Variants in PODXL2 observed in about 807,000 individuals in gnomAD.
The protein encoded by PODXL2 is podocalyxin-like protein 2.
Under a neutral mutation model 53.4 loss-of-function variants are expected in PODXL2, and 17 were observed. The ratio of observed to expected loss-of-function variants is 0.32; its 90% CI spans 0.22 to 0.48. The LOEUF (loss-of-function observed/expected upper bound fraction) is 0.48, where lower values mean the gene tolerates loss of function less well. PODXL2 is among the 20% of genes least tolerant of loss of function. The pLI, the probability that PODXL2 is intolerant of heterozygous loss-of-function variation, is 0.99. For missense variants in PODXL2, 673 were observed against 760.0 expected (o/e 0.89, Z 1.35); for synonymous variants, 311 against 306.7 (o/e 1.01, Z -0.15).
At chr3:127,647,901 AAG>A (rs1382722764) in intron 2 of PODXL2, among the ~76,000 whole-genome samples, 1 of 152,178 alleles carries the variant, frequency 6.6e-6, no homozygotes, top group Admixed American at 6.5e-5. Flanking sequence ...CCAGACCAAA[AAG>A]AGAGGAGGAA....
At chr3:127,667,074 G>A (rs2074798418) in intron 4 of PODXL2, among the ~76,000 whole-genome samples, 1 of 152,194 alleles carries the variant, frequency 6.6e-6, no homozygotes, top group Admixed American at 6.5e-5. Context: ...CAGAACTAGG[G>A]GTTTCCATCT....
chr3:127,648,787 C>CTTTTTTTTTTTTTTT (rs988325770), intron 2 of PODXL2, among the ~76,000 whole-genome samples: 3 of 97,854 alleles, frequency 3.1e-5, no homozygotes, highest in Admixed American at 1.1e-4. Flanking sequence ...TTTTGTATTT[C>CTTTTTTTTTTTTTTT]TTTTTTTTTT....
Position 127,668,612 on chromosome 3 carries a change from G to T in PODXL2, c.1363+15G>T, listed in dbSNP as rs779542730. On this transcript the variant is annotated intron_variant, in intron 5 of 7. Coordinates refer to ENST00000342480, the MANE Select transcript of PODXL2 (RefSeq NM_015720.4). ...GGGCGAGCAGGGTGAGCGAGGGCAG[G>T]TGATGGGAGGGCCCAGGAGGGCAGT... is the stretch of plus-strand genomic sequence containing the variant. 6.6e-5 allele frequency: 100 copies of T among 1,505,526 alleles called. No individual in the cohort carries two copies. The South Asian group carries it at 8.3e-4, about 12-fold the overall frequency. The allele number at this position is 1,505,526 out of a possible 1,614,324, so 93.3% of individuals were successfully genotyped here. A position where few individuals can be genotyped will look rare whatever the true frequency, so the allele number is the denominator to read the frequency against.
chr3:127,658,776 C>G (rs752771800), intron 2 of PODXL2, among the ~76,000 whole-genome samples: 1 of 152,148 alleles, frequency 6.6e-6, no homozygotes, highest in South Asian at 2.1e-4. Context: ...TTTTATCATT[C>G]ACCTTGATGA....
Position 127,672,444 on chromosome 3 carries a change from G to T in PODXL2, c.1782G>T (p.Glu594Asp), listed in dbSNP as rs949249636. 9.1e-6 allele frequency: 14 copies of T among 1,537,204 alleles called. No individual in the cohort carries two copies. The Admixed American group carries it at 1.8e-4, about 20-fold the overall frequency. The stretch of plus-strand genomic sequence containing the variant: ...TCATGGGGGGCAAGCGGGACCCCGA[G>T]GACTCGGACGTGTTCGAGGAGGACA... Reference protein sequence around the residue: ...GALMGGKRDPEDSDVFEEDTH... With the variant: ...GALMGGKRDPDDSDVFEEDTH... The change falls in exon 8 of 8, where the codon GAG becomes GAT. Residue 594 changes from glutamate to aspartate, a missense_variant. Transcript: ENST00000342480.
chr3:127,654,752 G>T (rs572425456), intron 2 of PODXL2, among the ~76,000 whole-genome samples: 13 of 152,210 alleles, frequency 8.5e-5, no homozygotes, highest in Admixed American at 6.5e-4. Flanking sequence ...CACTTTTCCT[G>T]TTATTATTTT....
At chr3:127,648,248 C>T (rs543104051) in intron 2 of PODXL2, among the ~76,000 whole-genome samples, 2 of 152,246 alleles carry the variant, frequency 1.3e-5, no homozygotes, top group East Asian at 1.9e-4. Context: ...TTATCATTGC[C>T]GTAATCAATT....
At chr3:127,632,366 A>T (rs1229340290) in intron 1 of PODXL2, among the ~76,000 whole-genome samples, 2 of 152,180 alleles carry the variant, frequency 1.3e-5, no homozygotes, top group African/African-American at 2.4e-5. Context: ...TTAATCCTTC[A>T]GTGGTTTTGT....
chr3:127,649,702 C>T lies in PODXL2; in HGVS notation c.349+10179C>T, dbSNP rs143577037. On this transcript the variant is annotated intron_variant, in intron 2 of 7. Coordinates refer to ENST00000342480, the MANE Select transcript of PODXL2 (RefSeq NM_015720.4). ...CTGTAATTCCAGCACTTTGGGAAGC[C>T]GAGGCGGGTGGATCACCTGAGGTGA... Among the ~76,000 whole-genome samples, 605 of 152,290 alleles carry T rather than the reference C, an allele frequency of 4.0e-3. 21 individuals are homozygous for T. Among genetic ancestry groups the T allele is most frequent in the Admixed American group, 0.031 (470 of 15,290 alleles).
chr3:127,668,375 G>C (rs1005447885), intron 4 of PODXL2, 66 bp from the exon 5 acceptor site: 18 of 1,377,014 alleles, frequency 1.3e-5, no homozygotes, highest in Non-Finnish European at 1.7e-5. Flanking sequence ...GCTGGGCCTA[G>C]AGGCAGAGGG....
Position 127,629,547 on chromosome 3 carries a change from C to T in PODXL2, c.70+258C>T, listed in dbSNP as rs940080945. Among the ~76,000 whole-genome samples, 3 of 151,682 alleles carry T rather than the reference C, an allele frequency of 2.0e-5. No individual in the cohort carries two copies. Among genetic ancestry groups the T allele is most frequent in the East Asian group, 4.0e-4 (2 of 5,048 alleles). On this transcript the variant is annotated intron_variant, in intron 1 of 7. Transcript: ENST00000342480. The surrounding 1 kb of genome is among the most constrained non-coding windows in gnomAD (Gnocchi z 6.4). Reference sequence around the variant, plus strand: ...CTGGGACACAGCACCGTGGCCCCCACGCCGCGGCTCTCAGGGGCAGGTGCG... The same window carrying T: ...CTGGGACACAGCACCGTGGCCCCCATGCCGCGGCTCTCAGGGGCAGGTGCG...
intron 2 of PODXL2, among the ~76,000 whole-genome samples, chr3:127,647,627 G>A (rs1324560774): frequency 1.3e-5 from 2 of 152,340 alleles, no homozygotes; most frequent in South Asian, 2.1e-4. Context: ...CGCCCTCAAC[G>A]TGCTGGAGCC....
At position 127,671,597 on chromosome 3, in the gene PODXL2, C is replaced by T. The variant is rs1038615883; in HGVS notation, c.1589C>T (p.Pro530Leu). The T allele has an allele frequency of 6.2e-7, 1 of 1,613,596 alleles. No homozygotes were observed. Among genetic ancestry groups the T allele is most frequent in the Admixed American group, 1.7e-5 (1 of 60,032 alleles). The part of the protein sequence containing the change: ...LLYNCWQRRL[P>L]KLKHVSHGEE... ...TACAACTGCTGGCAGCGCCGGCTGCCCAAGCTCAAGCACGTGGTGAGTGTG... is the reference window on the plus strand; with the variant it reads ...TACAACTGCTGGCAGCGCCGGCTGCTCAAGCTCAAGCACGTGGTGAGTGTG... The change falls in exon 7 of 8, where the codon CCC becomes CTC. Residue 530 changes from proline to leucine, a missense_variant. Pro to Leu is a moderately conservative substitution (Grantham distance 98). Transcript: ENST00000342480.
intron 2 of PODXL2, among the ~76,000 whole-genome samples, chr3:127,646,672 C>T (rs1436601277): frequency 1.3e-5 from 2 of 152,224 alleles, no homozygotes; most frequent in Admixed American, 6.5e-5. Flanking sequence ...AGACGTGAGC[C>T]ACCACGCCTG....
At chr3:127,650,110 T>G (rs2074679345) in intron 2 of PODXL2, among the ~76,000 whole-genome samples, 1 of 152,176 alleles carries the variant, frequency 6.6e-6, no homozygotes, top group South Asian at 2.1e-4. Context: ...AAAGGGACAT[T>G]TAAAGTGATC....
chr3:127,656,863 A>C (rs575478369), intron 2 of PODXL2, among the ~76,000 whole-genome samples: 108 of 151,916 alleles, frequency 7.1e-4, no homozygotes, highest in African/African-American at 2.6e-3. Context: ...TGGGCAGTGT[A>C]GAGAGACCCT....
At chr3:127,638,328 GGAGA>G (rs2074591176) in intron 1 of PODXL2, among the ~76,000 whole-genome samples, 2 of 152,176 alleles carry the variant, frequency 1.3e-5, no homozygotes, top group African/African-American at 4.8e-5. Context: ...TGGTAAATTA[GGAGA>G]GAGAGAGAAT....
At chr3:127,650,433 T>G (rs547321367) in intron 2 of PODXL2, among the ~76,000 whole-genome samples, 22 of 152,290 alleles carry the variant, frequency 1.4e-4, no homozygotes, top group African/African-American at 4.8e-4. Flanking sequence ...GAGCTGCATC[T>G]GAGCCAGCAC....
At chr3:127,636,900 T>C (rs1453205413) in intron 1 of PODXL2, among the ~76,000 whole-genome samples, 1 of 152,200 alleles carries the variant, frequency 6.6e-6, no homozygotes, top group Non-Finnish European at 1.5e-5. Flanking sequence ...CTTGGTTCAC[T>C]GCAATCTCTG....
Sources: gnomAD v4.1 joint callset for allele counts (sites outside exome capture counted in the v4.1 genomes callset) on GRCh38, gnomAD v4.1.1 for gene constraint, Gnocchi (gnomAD v3.1) non-coding constraint, MANE v1.5 for transcripts, NCBI Gene and HGNC (gene_info 2026-07-23, HGNC 2026-07-21) for gene names.